The following CYRIA variants were observed in gnomAD, a reference collection of about 807,000 sequenced individuals.
CYRIA encodes CYFIP related Rac1 interactor A, also known as CYFIP-related Rac1 interactor A.
In CYRIA, 15 loss-of-function variants were observed where a neutral mutation model predicts 43.9. The observed-to-expected ratio is 0.34, with a 90% CI of 0.23 to 0.53. CYRIA has a LOEUF of 0.53. Ranked by LOEUF, CYRIA falls within the 20% of genes least tolerant of loss-of-function variation. CYRIA has a pLI of 0.94. For missense variants in CYRIA, 236 were observed against 394.2 expected, an observed-to-expected ratio of 0.60 and a Z score of 3.40; for synonymous variants, 117 against 136.0, an observed-to-expected ratio of 0.86 and a Z score of 0.97.
intron 1 of CYRIA, among the ~76,000 whole-genome samples, chr2:16,641,583 C>G (rs764600463): frequency 2.0e-4 from 31 of 152,178 alleles, no homozygotes; most frequent in Non-Finnish European, 3.8e-4. Flanking sequence ...TTCTAGACAC[C>G]TTGCTTTTCT....
At chr2:16,639,120 C>T (rs1467963414) in intron 1 of CYRIA, among the ~76,000 whole-genome samples, 2 of 152,204 alleles carry the variant, frequency 1.3e-5, no homozygotes, top group Non-Finnish European at 2.9e-5. Context: ...CCACTTCCTG[C>T]AGCTGTCGCT....
chr2:16,636,477 C>T (rs1461029782), intron 1 of CYRIA, among the ~76,000 whole-genome samples: 1 of 152,158 alleles, frequency 6.6e-6, no homozygotes, highest in African/African-American at 2.4e-5. Context: ...TCTGCCCAGC[C>T]CCTTGCTTTG....
chr2:16,640,276 C>T (rs993181202), intron 1 of CYRIA, among the ~76,000 whole-genome samples: 1 of 152,248 alleles, frequency 6.6e-6, no homozygotes, highest in African/African-American at 2.4e-5. Context: ...CCCACAGAGG[C>T]TCTTCCCCCT....
chr2:16,553,016 T>C lies in CYRIA; in HGVS notation c.909-17A>G, dbSNP rs12997119. The C allele has an allele frequency of 0.21, 327,970 of 1,553,072 alleles. 37,591 individuals carry two copies. The highest frequency in any genetic ancestry group is 0.33 in the Admixed American group (19,996 of 59,824). On this transcript the variant is annotated splice_polypyrimidine_tract_variant and intron_variant, in intron 11 of 11. Coordinates refer to ENST00000381323, the MANE Select transcript of CYRIA (RefSeq NM_030797.4). ...GTAGTGAACCTGGATGGAGAGAGAA[T>C]GGTAGAGGTTAGCGGCAAACAGTGC... is the stretch of plus-strand genomic sequence containing the variant.
chr2:16,629,920 A>G (rs1269031317), intron 1 of CYRIA, among the ~76,000 whole-genome samples: 1 of 152,216 alleles, frequency 6.6e-6, no homozygotes, highest in Non-Finnish European at 1.5e-5. Flanking sequence ...GATGCCACCC[A>G]GCATGCAGCC....
intron 2 of CYRIA, among the ~76,000 whole-genome samples, chr2:16,600,493 A>C (rs1165166189): frequency 6.6e-6 from 1 of 152,234 alleles, no homozygotes; most frequent in African/African-American, 2.4e-5. Flanking sequence ...ATGCACTGAG[A>C]GAAGACATGG....
At chr2:16,617,737 T>C (rs1316485504) in intron 2 of CYRIA, among the ~76,000 whole-genome samples, 1 of 152,180 alleles carries the variant, frequency 6.6e-6, no homozygotes, top group African/African-American at 2.4e-5. Flanking sequence ...TGGTGGTGAT[T>C]TAAGTGCAAA....
rs1199476935 is a variant in CYRIA, at chr2:16,550,169, A to G, written c.*2767T>C. 1 of 152,010 alleles carries G rather than the reference A, an allele frequency of 6.6e-6. No homozygotes were observed. Among genetic ancestry groups the G allele is most frequent in the Admixed American group, 6.6e-5 (1 of 15,252 alleles). The allele number at this position is 152,010 out of a possible 1,614,324, so 9.4% of individuals were successfully genotyped here. A position where few individuals can be genotyped will look rare whatever the true frequency, so the allele number is the denominator to read the frequency against. Reference sequence around the variant, plus strand: ...GGAAAACACTGTTTATTTGAAAACAATGAGACCTCAAATATGAAATATAGT... The same window carrying G: ...GGAAAACACTGTTTATTTGAAAACAGTGAGACCTCAAATATGAAATATAGT... On this transcript the variant is annotated 3_prime_UTR_variant, in exon 12 of 12. Transcript: ENST00000381323.
chr2:16,572,950 T>A (rs891587602), intron 3 of CYRIA, among the ~76,000 whole-genome samples: 5 of 152,186 alleles, frequency 3.3e-5, no homozygotes, highest in Non-Finnish European at 7.3e-5. Context: ...TTACATCTTA[T>A]CTCCTCAACA....
At chr2:16,574,983 A>T (rs1667281521) in intron 3 of CYRIA, among the ~76,000 whole-genome samples, 1 of 152,150 alleles carries the variant, frequency 6.6e-6, no homozygotes, top group Non-Finnish European at 1.5e-5. Context: ...GTGTGCCTGG[A>T]AAACCACAGA....
intron 3 of CYRIA, among the ~76,000 whole-genome samples, chr2:16,578,197 T>C (rs1667418947): frequency 6.6e-6 from 1 of 152,202 alleles, no homozygotes; most frequent in South Asian, 2.1e-4. Context: ...GTGAACCACG[T>C]ATAACAAGCA....
chr2:16,555,595 C>T (rs1666478162), intron 10 of CYRIA, among the ~76,000 whole-genome samples: 1 of 152,130 alleles, frequency 6.6e-6, no homozygotes, highest in East Asian at 1.9e-4. Flanking sequence ...CTGTCCTTCA[C>T]CTGTTTGACT....
intron 3 of CYRIA, among the ~76,000 whole-genome samples, chr2:16,579,712 T>C (rs1020444430): frequency 1.3e-5 from 2 of 151,322 alleles, no homozygotes; most frequent in Non-Finnish European, 2.9e-5. Context: ...AAAGACAAAA[T>C]ACAGTACCAA....
chr2:16,599,831 A>G (rs1359199489), intron 2 of CYRIA, among the ~76,000 whole-genome samples: 1 of 152,108 alleles, frequency 6.6e-6, no homozygotes, highest in Non-Finnish European at 1.5e-5. Context: ...ATCTCAGCTC[A>G]CTGCAACCTC....
At chr2:16,592,739 CAG>C (rs998223531) in intron 2 of CYRIA, among the ~76,000 whole-genome samples, 4 of 152,058 alleles carry the variant, frequency 2.6e-5, no homozygotes, top group Admixed American at 2.6e-4. Flanking sequence ...TCTTAGAAAA[CAG>C]AGGTTTCTCT....
At chr2:16,625,279 A>G (rs1373179279) in intron 1 of CYRIA, among the ~76,000 whole-genome samples, 3 of 152,008 alleles carry the variant, frequency 2.0e-5, no homozygotes, top group African/African-American at 7.3e-5. Flanking sequence ...CAGCAGGGGC[A>G]GCAGCAAGAG....
At chr2:16,623,297 T>A (rs1394948003) in intron 2 of CYRIA, among the ~76,000 whole-genome samples, 1 of 152,136 alleles carries the variant, frequency 6.6e-6, no homozygotes, top group East Asian at 1.9e-4. Flanking sequence ...AAGGAAAGGA[T>A]CCATAAGTGA....
chr2:16,587,914 C>T (rs113167461), intron 3 of CYRIA, 136 bp downstream of exon 3: 19 of 530,982 alleles, frequency 3.6e-5, no homozygotes, highest in African/African-American at 2.8e-4. Flanking sequence ...TCTTTATTAG[C>T]AGCATGAGAA....
chr2:16,613,778 A>G (rs2103495156), intron 2 of CYRIA, among the ~76,000 whole-genome samples: 1 of 152,300 alleles, frequency 6.6e-6, no homozygotes, highest in South Asian at 2.1e-4. Flanking sequence ...ACGTGATTCC[A>G]CTCATTTGTA....
Sources: gnomAD v4.1 joint callset for allele counts (sites outside exome capture counted in the v4.1 genomes callset) on GRCh38, gnomAD v4.1.1 for gene constraint, MANE v1.5 for transcripts, NCBI Gene and HGNC (gene_info 2026-07-23, HGNC 2026-07-21) for gene names.